Variants in UGGT2 observed in about 807,000 individuals in gnomAD.
The protein encoded by UGGT2 is UDP-glucose glycoprotein glucosyltransferase 2.
Under a neutral mutation model 192.1 loss-of-function variants are expected in UGGT2, and 180 were observed. The ratio of observed to expected loss-of-function variants is 0.94; its 90% CI spans 0.83 to 1.06. The LOEUF is 1.06. UGGT2 is among the 50% of genes least tolerant of loss of function. UGGT2 has a pLI of 0.00. For missense variants in UGGT2, 1,849 were observed against 1,795.7 expected (o/e 1.03, Z -0.54); for synonymous variants, 580 against 591.0 (o/e 0.98, Z 0.27).
At chr13:96,048,841 T>C (rs1322646848) in intron 1 of UGGT2, among the ~76,000 whole-genome samples, 1 of 152,092 alleles carries the variant, frequency 6.6e-6, no homozygotes, top group East Asian at 1.9e-4. Flanking sequence ...GAGGCAATAA[T>C]AGCCTACCAA....
chr13:95,899,905 A>C (rs1432127935), intron 22 of UGGT2, among the ~76,000 whole-genome samples: 4 of 152,178 alleles, frequency 2.6e-5, no homozygotes. Context: ...AGAATTCAAA[A>C]GTAAGTGAAA....
chr13:96,039,738 A>C (rs1566852183), intron 1 of UGGT2, among the ~76,000 whole-genome samples: 1 of 152,200 alleles, frequency 6.6e-6, no homozygotes, highest in Admixed American at 6.5e-5. Context: ...TTTTCAGCTC[A>C]TATCCAAGTT....
intron 4 of UGGT2, among the ~76,000 whole-genome samples, chr13:96,016,196 T>C (rs1018662776): frequency 6.6e-6 from 1 of 152,130 alleles, no homozygotes; most frequent in African/African-American, 2.4e-5. Flanking sequence ...AAGCAGAACA[T>C]AAAAGTTTGA....
intron 10 of UGGT2, among the ~76,000 whole-genome samples, chr13:95,981,663 G>A (rs1365297418): frequency 6.6e-6 from 1 of 152,158 alleles, no homozygotes; most frequent in Non-Finnish European, 1.5e-5. Context: ...TGAACATTTT[G>A]TTTACATGTT....
intron 9 of UGGT2, 149 bp from the exon 10 acceptor site, chr13:95,984,013 T>C: frequency 2.1e-6 from 1 of 479,978 alleles, no homozygotes; most frequent in African/African-American, 2.0e-5. Flanking sequence ...ATGGCCTAAT[T>C]TAGCTTTCAT....
chr13:95,876,611 AG>A (rs1212953674), intron 29 of UGGT2, among the ~76,000 whole-genome samples: 2 of 152,184 alleles, frequency 1.3e-5, no homozygotes, highest in Non-Finnish European at 2.9e-5. Context: ...ACTTCCCCCA[AG>A]GGGGTATCTC....
intron 5 of UGGT2, among the ~76,000 whole-genome samples, chr13:96,000,900 A>ATGCTATTTCCCCC (rs2051779701): frequency 6.6e-6 from 1 of 152,244 alleles, no homozygotes; most frequent in African/African-American, 2.4e-5. Flanking sequence ...TTCCCCCACA[A>ATGCTATTTCCCCC]AAAGGCATAT....
At chr13:95,886,500 A>C (rs897860079) in intron 26 of UGGT2, among the ~76,000 whole-genome samples, 4 of 152,186 alleles carry the variant, frequency 2.6e-5, no homozygotes, top group African/African-American at 9.6e-5. Context: ...ACTCCTGTGA[A>C]TAAAAATTCT....
chr13:95,865,923 G>A (rs530950743), intron 30 of UGGT2, among the ~76,000 whole-genome samples: 92 of 152,294 alleles, frequency 6.0e-4, no homozygotes, highest in Non-Finnish European at 1.1e-3. Context: ...TTTTACAGAT[G>A]AGGAAATGAG....
intron 1 of UGGT2, among the ~76,000 whole-genome samples, chr13:96,032,736 TG>T (rs1325898577): frequency 6.6e-6 from 1 of 152,214 alleles, no homozygotes; most frequent in Non-Finnish European, 1.5e-5. Context: ...TCTCTAGGCT[TG>T]GTAAACTTAA....
chr13:95,951,840 A>G lies in UGGT2; in HGVS notation c.1336-2386T>C, dbSNP rs140242941. Reference sequence around the variant, plus strand: ...TTTGGGAGCCTGAGGTGGGTGGATCATGAGGTCAGGAGTTCGAGACCAGCT... The same window carrying G: ...TTTGGGAGCCTGAGGTGGGTGGATCGTGAGGTCAGGAGTTCGAGACCAGCT... On this transcript the variant is annotated intron_variant, in intron 12 of 38. Transcript: ENST00000376747. Among the ~76,000 whole-genome samples, 716 of 152,216 alleles carry G rather than the reference A, an allele frequency of 4.7e-3. 5 individuals carry two copies. The highest frequency in any genetic ancestry group is 0.017 in the African/African-American group (691 of 41,546).
intron 38 of UGGT2, among the ~76,000 whole-genome samples, chr13:95,824,737 G>T (rs1395281411): frequency 6.6e-6 from 1 of 152,026 alleles, no homozygotes; most frequent in Non-Finnish European, 1.5e-5. Context: ...ATCTCCTTGA[G>T]TAGTGTAATA....
intron 20 of UGGT2, among the ~76,000 whole-genome samples, chr13:95,905,758 T>C (rs547942357): frequency 1.3e-5 from 2 of 152,306 alleles, no homozygotes; most frequent in East Asian, 3.9e-4. Flanking sequence ...TCTTTTGGCT[T>C]AGGATTGACT....
intron 20 of UGGT2, among the ~76,000 whole-genome samples, chr13:95,911,454 C>T (rs932416529): frequency 3.9e-5 from 6 of 152,144 alleles, no homozygotes; most frequent in Non-Finnish European, 7.3e-5. Context: ...ATACTATAAA[C>T]ACCTCTACGC....
Position 95,877,333 on chromosome 13 carries a change from G to A in UGGT2, c.3419C>T (p.Ala1140Val). Reference protein sequence around the residue: ...GYFQLKANPGAWILRLHQGKS... With the variant: ...GYFQLKANPGVWILRLHQGKS... ...TCCTTGGTGTAACCTCAGTATCCAA[G>A]CACCTGGGTTTGCTTTTAATTGAAA... Residue 1140 changes from alanine (A) to valine (V), a missense_variant, in exon 29 of 39, where the codon GCT becomes GTT. Ala to Val is a moderately conservative substitution (Grantham distance 64). Transcript: ENST00000376747. 5 of 1,606,868 alleles carry A rather than the reference G, an allele frequency of 3.1e-6. No homozygotes were observed. The highest frequency in any genetic ancestry group is 4.2e-6 in the Non-Finnish European group (5 of 1,177,576).
At position 96,047,378 on chromosome 13, in the gene UGGT2, G is replaced by A. The variant is rs1485114106; in HGVS notation, c.158+5777C>T. On this transcript the variant is annotated intron_variant, in intron 1 of 38. Transcript: ENST00000376747. ...AAACAGGGTCTGGAGTGGACCTCCA[G>A]CAAACTCCAACAGACCTGCAGCTGA... Among the ~76,000 whole-genome samples the A allele has an allele frequency of 3.3e-5, 5 of 152,200 alleles. No individual in the cohort carries two copies. In the East Asian group the frequency reaches 9.6e-4, roughly 29 times the overall value.
At chr13:95,881,942 T>A (rs1250590876) in intron 27 of UGGT2, among the ~76,000 whole-genome samples, 4 of 150,614 alleles carry the variant, frequency 2.7e-5, no homozygotes, top group African/African-American at 7.3e-5. Context: ...AGAATCTCGC[T>A]CCGTCACCCA....
intron 15 of UGGT2, among the ~76,000 whole-genome samples, chr13:95,942,763 T>C (rs2049734478): frequency 6.6e-6 from 1 of 152,196 alleles, no homozygotes. Flanking sequence ...TATTTTTTAA[T>C]GACATATTTT....
intron 17 of UGGT2, among the ~76,000 whole-genome samples, chr13:95,930,696 C>A (rs977287378): frequency 1.3e-5 from 2 of 152,064 alleles, no homozygotes; most frequent in Non-Finnish European, 2.9e-5. Flanking sequence ...AATACTGTGT[C>A]CGGAATTGGT....
Sources: allele counts gnomAD v4.1 joint callset (sites outside exome capture counted in the v4.1 genomes callset), GRCh38; gene constraint gnomAD v4.1.1; transcripts MANE v1.5; gene names NCBI Gene and HGNC (gene_info 2026-07-23, HGNC 2026-07-21).